The following SH3KBP1 variants were observed in gnomAD, a reference collection of about 807,000 sequenced individuals.
The protein encoded by SH3KBP1 is SH3 domain containing kinase binding protein 1.
In SH3KBP1, 8 loss-of-function variants were observed where a neutral mutation model predicts 50.1. The observed-to-expected ratio is 0.16, with a 90% CI of 0.09 to 0.29. SH3KBP1 has a LOEUF of 0.29. Among genes scored for constraint, SH3KBP1 ranks in the 10% least tolerant of loss-of-function variants. The pLI is 1.00. For missense variants in SH3KBP1, 377 were observed against 535.2 expected, an observed-to-expected ratio of 0.70 and a Z score of 2.92; for synonymous variants, 227 against 218.6, an observed-to-expected ratio of 1.04 and a Z score of -0.34.
chrX:19,547,534 A>C, intron 14 of SH3KBP1, among the ~76,000 whole-genome samples: 1 of 112,439 alleles, frequency 8.9e-6, no homozygotes, highest in East Asian at 2.8e-4. Context: ...ATTTAATCTG[A>C]AAATCCAATT....
At chrX:19,771,864 CAAA>C (rs11457525) in intron 2 of SH3KBP1, among the ~76,000 whole-genome samples, 1 of 73,166 alleles carries the variant, frequency 1.4e-5, no homozygotes. Context: ...AACTCCGTCT[CAAA>C]AAAAAAAAAA....
At chrX:19,541,366 T>C (rs1415524179) in intron 16 of SH3KBP1, among the ~76,000 whole-genome samples, 1 of 111,884 alleles carries the variant, frequency 8.9e-6, no homozygotes, top group Non-Finnish European at 1.9e-5. Flanking sequence ...TGTGCAGCCA[T>C]GCAGGAAGAA....
chrX:19,782,027 GAT>G (rs2066196997), intron 2 of SH3KBP1, among the ~76,000 whole-genome samples: 1 of 111,711 alleles, frequency 9.0e-6, no homozygotes, highest in Non-Finnish European at 1.9e-5. Context: ...CCCCTAAAAA[GAT>G]ATGTCAACAT....
intron 6 of SH3KBP1, among the ~76,000 whole-genome samples, chrX:19,672,320 A>C (rs1181555171): frequency 8.9e-6 from 1 of 112,084 alleles, no homozygotes; most frequent in African/African-American, 3.2e-5. Context: ...GGTAGAATGA[A>C]ACTCCCCACT....
intron 2 of SH3KBP1, among the ~76,000 whole-genome samples, chrX:19,755,356 G>A (rs924634587): frequency 3.9e-4 from 44 of 111,931 alleles, no homozygotes; most frequent in African/African-American, 1.4e-3. Flanking sequence ...GCGACAGGGC[G>A]AGACTCTGTC....
intron 4 of SH3KBP1, among the ~76,000 whole-genome samples, chrX:19,701,934 GC>G (rs769865855): frequency 3.6e-5 from 4 of 111,853 alleles, no homozygotes; most frequent in Non-Finnish European, 7.5e-5. Context: ...AGCCTGTTTT[GC>G]ATGCTGATGA....
intron 6 of SH3KBP1, among the ~76,000 whole-genome samples, chrX:19,668,153 T>TA (rs2062658058): frequency 9.0e-6 from 1 of 111,688 alleles, no homozygotes; most frequent in South Asian, 3.7e-4. Context: ...ACATTTGATA[T>TA]AACTTCATCA....
At chrX:19,727,770 G>C (rs1222176012) in intron 3 of SH3KBP1, among the ~76,000 whole-genome samples, 4 of 112,299 alleles carry the variant, frequency 3.6e-5, no homozygotes, top group African/African-American at 1.3e-4. Flanking sequence ...CAGATCACAA[G>C]GTCAAGAGAT....
chrX:19,645,565 C>T (rs1026027902), intron 6 of SH3KBP1, 90 bp from the exon 7 acceptor site: 41 of 753,221 alleles, frequency 5.4e-5, no homozygotes, highest in Non-Finnish European at 6.9e-5. Flanking sequence ...ACAAAATGCT[C>T]GAAATTGGTT....
chrX:19,773,711 C>A (rs934989576), intron 2 of SH3KBP1, among the ~76,000 whole-genome samples: 15 of 107,948 alleles, frequency 1.4e-4, no homozygotes, highest in Admixed American at 4.0e-4. Context: ...AAAAAATTAG[C>A]CAGGCGTGAT....
At chrX:19,715,252 C>T (rs1375777652) in intron 3 of SH3KBP1, among the ~76,000 whole-genome samples, 4 of 95,939 alleles carry the variant, frequency 4.2e-5, no homozygotes, top group African/African-American at 8.1e-5. Context: ...CCAGCCTGGG[C>T]GACAGAGTGA....
At chrX:19,671,452 C>T (rs2148538679) in intron 6 of SH3KBP1, among the ~76,000 whole-genome samples, 1 of 110,720 alleles carries the variant, frequency 9.0e-6, no homozygotes, top group Admixed American at 9.6e-5. Flanking sequence ...TGGAAATACT[C>T]CCCCTAGGAA....
chrX:19,757,232 A>G (rs1346809500), intron 2 of SH3KBP1, among the ~76,000 whole-genome samples: 1 of 106,774 alleles, frequency 9.4e-6, no homozygotes, highest in African/African-American at 3.4e-5. Flanking sequence ...GAAAAAGTCA[A>G]GCTGGGAACT....
At position 19,583,599 on chromosome X, in the gene SH3KBP1, G is replaced by C. The variant is rs549725824; in HGVS notation, c.1298+5044C>G. Among the ~76,000 whole-genome samples the C allele has an allele frequency of 5.4e-5, 6 of 110,363 alleles. No homozygotes were observed. The South Asian group carries it at 1.5e-3, about 28-fold the overall frequency. On this transcript the variant is annotated intron_variant, in intron 12 of 17. Coordinates refer to ENST00000397821, the MANE Select transcript of SH3KBP1 (RefSeq NM_031892.3). The stretch of plus-strand genomic sequence containing the variant: ...TATATTACTATCTGAGGAAGGGAGC[G>C]ATCACTGTAAGAGCCTTCATGTGCG...
At chrX:19,837,681 T>C (rs1013664749) in intron 1 of SH3KBP1, among the ~76,000 whole-genome samples, 2 of 109,954 alleles carry the variant, frequency 1.8e-5, no homozygotes, top group African/African-American at 6.6e-5. Context: ...CCTCAGATGA[T>C]CTGCCCGCCT....
chrX:19,850,138 T>A (rs2068466173), intron 1 of SH3KBP1, among the ~76,000 whole-genome samples: 1 of 111,982 alleles, frequency 8.9e-6, no homozygotes, highest in Non-Finnish European at 1.9e-5. Context: ...TGTATACATA[T>A]GTATGTTTCA....
rs1247097608 is a variant in SH3KBP1, at chrX:19,829,023, G to C, written c.162+7102C>G. ...CCAATGGAAGCCACAACTTTACACAGAGAAAAATCTACAGGTTGAAAGTCA... is the reference window on the plus strand; with the variant it reads ...CCAATGGAAGCCACAACTTTACACACAGAAAAATCTACAGGTTGAAAGTCA... On this transcript the variant is annotated intron_variant, in intron 2 of 17. Coordinates refer to ENST00000397821, the MANE Select transcript of SH3KBP1 (RefSeq NM_031892.3). Among the ~76,000 whole-genome samples the C allele has an allele frequency of 5.4e-5, 6 of 111,443 alleles. No individual in the cohort carries two copies. In the East Asian group the frequency reaches 1.7e-3, roughly 31 times the overall value.
At chrX:19,697,596 A>G (rs2148647632) in intron 4 of SH3KBP1, among the ~76,000 whole-genome samples, 1 of 112,605 alleles carries the variant, frequency 8.9e-6, no homozygotes, top group South Asian at 3.6e-4. Context: ...ATAGAAAGGT[A>G]TGACTAAACA....
At chrX:19,834,064 C>T (rs1308169362) in intron 2 of SH3KBP1, among the ~76,000 whole-genome samples, 1 of 111,859 alleles carries the variant, frequency 8.9e-6, no homozygotes, top group Non-Finnish European at 1.9e-5. Context: ...ACAAAACTCT[C>T]CCCAGCCTTC....
Sources: gnomAD v4.1 joint callset for allele counts (sites outside exome capture counted in the v4.1 genomes callset) on GRCh38, gnomAD v4.1.1 for gene constraint, MANE v1.5 for transcripts, NCBI Gene and HGNC (gene_info 2026-07-23, HGNC 2026-07-21) for gene names.